ULK4: variants seen among roughly 807,000 people sequenced by gnomAD.
ULK4 encodes inactive serine/threonine-protein kinase ULK4.
A neutral mutation model predicts 160.6 loss-of-function variants in ULK4; 133 were observed. That is an observed-to-expected ratio of 0.83 (90% CI 0.72 to 0.96). The LOEUF (loss-of-function observed/expected upper bound fraction) is 0.96. ULK4 is among the 40% of genes least tolerant of loss of function. The probability of loss-of-function intolerance (pLI) is 0.00; values close to 1 mark genes in which losing one functional copy is unlikely to be tolerated. For synonymous variants in ULK4, 534 were observed against 539.8 expected (o/e 0.99, Z 0.15); for missense variants, 1,580 against 1,499.5 (o/e 1.05, Z -0.89).
intron 34 of ULK4, among the ~76,000 whole-genome samples, chr3:41,421,338 A>G (rs1415535754): frequency 3.9e-5 from 6 of 152,122 alleles, no homozygotes; most frequent in Non-Finnish European, 5.9e-5. Context: ...ACCCTCCCCA[A>G]CACTGTTGAC....
At chr3:41,893,050 C>T (rs9847541) in intron 16 of ULK4, among the ~76,000 whole-genome samples, 8,375 of 152,146 alleles carry the variant, frequency 0.055, 418 homozygotes, top group East Asian at 0.16. Flanking sequence ...TAAACCAAAC[C>T]CCTTGATATT....
At chr3:41,440,707 G>T (rs2083145626) in intron 34 of ULK4, among the ~76,000 whole-genome samples, 1 of 151,988 alleles carries the variant, frequency 6.6e-6, no homozygotes, top group Non-Finnish European at 1.5e-5. Context: ...TTCTGGGAAA[G>T]ATTTTGTAAA....
At chr3:41,261,584 G>T (rs2078944019) in intron 35 of ULK4, among the ~76,000 whole-genome samples, 1 of 152,300 alleles carries the variant, frequency 6.6e-6, no homozygotes, top group South Asian at 2.1e-4. Flanking sequence ...TACATGTTGT[G>T]TTATCTTGTA....
chr3:41,496,460 G>C (rs1433285229), intron 32 of ULK4, among the ~76,000 whole-genome samples: 2 of 152,046 alleles, frequency 1.3e-5, no homozygotes, highest in African/African-American at 4.8e-5. Flanking sequence ...TTTGTCTGGA[G>C]GAATTTTCTA....
chr3:41,862,515 C>T (rs182036525), intron 17 of ULK4, among the ~76,000 whole-genome samples: 112 of 152,192 alleles, frequency 7.4e-4, no homozygotes, highest in African/African-American at 2.7e-3. Flanking sequence ...GTCTTCACTG[C>T]CTGGGCTTAT....
chr3:41,346,417 C>T (rs370666689), intron 35 of ULK4, among the ~76,000 whole-genome samples: 1 of 152,134 alleles, frequency 6.6e-6, no homozygotes, highest in African/African-American at 2.4e-5. Flanking sequence ...AATATCAATG[C>T]TATCCTTTTT....
chr3:41,328,964 G>A (rs142077286), intron 35 of ULK4, among the ~76,000 whole-genome samples: 8 of 149,732 alleles, frequency 5.3e-5, no homozygotes, highest in Admixed American at 2.0e-4. Context: ...ATAGTTCTAC[G>A]AATTTTAACA....
At chr3:41,739,199 C>CA (rs1173657526) in intron 22 of ULK4, among the ~76,000 whole-genome samples, 3 of 151,916 alleles carry the variant, frequency 2.0e-5, no homozygotes, top group Admixed American at 2.0e-4. Context: ...ATATAAGAGA[C>CA]TGAGTTTCAA....
At chr3:41,572,867 G>A (rs762190394) in intron 31 of ULK4, among the ~76,000 whole-genome samples, 30 of 151,694 alleles carry the variant, frequency 2.0e-4, no homozygotes, top group Admixed American at 1.3e-3. Context: ...ATAAAAATAC[G>A]TACTAGGGCC....
rs929916752 is a variant in ULK4, at chr3:41,935,942, T to G, written c.239-2A>C. On this transcript the variant is annotated splice_acceptor_variant, in intron 3 of 36. Transcript: ENST00000301831. LOFTEE classifies it high-confidence loss of function. Reference sequence around the variant, plus strand: ...CAATAACTGTTTTTAAGGAACCACCTGCAAGAGGTTGATTAAAATCACCCA... The same window carrying G: ...CAATAACTGTTTTTAAGGAACCACCGGCAAGAGGTTGATTAAAATCACCCA... The G allele has an allele frequency of 2.5e-5, 40 of 1,612,364 alleles. No individual in the cohort carries two copies. The highest frequency in any genetic ancestry group is 3.2e-5 in the Non-Finnish European group (38 of 1,179,588).
chr3:41,763,816 T>C (rs2039071202), intron 21 of ULK4, among the ~76,000 whole-genome samples: 1 of 152,242 alleles, frequency 6.6e-6, no homozygotes, highest in Non-Finnish European at 1.5e-5. Flanking sequence ...TTACTGTCCA[T>C]CAATATATGA....
At chr3:41,519,923 T>C (rs2085875810) in intron 32 of ULK4, among the ~76,000 whole-genome samples, 1 of 152,160 alleles carries the variant, frequency 6.6e-6, no homozygotes, top group African/African-American at 2.4e-5. Flanking sequence ...GTGGAATAAT[T>C]ACTGGGAAAT....
chr3:41,876,513 C>T (rs1697308080), intron 17 of ULK4, among the ~76,000 whole-genome samples: 1 of 152,164 alleles, frequency 6.6e-6, no homozygotes, highest in South Asian at 2.1e-4. Context: ...GTTTAGATTA[C>T]CCCCTAAAGT....
At chr3:41,935,651 G>A (rs927342448) in intron 4 of ULK4, 150 bp downstream of exon 4, 30 of 941,154 alleles carry the variant, frequency 3.2e-5, no homozygotes, top group South Asian at 2.0e-4. Flanking sequence ...ATGAGCCACC[G>A]TGCCCTGCCT....
At chr3:41,372,557 G>C (rs1056485103) in intron 35 of ULK4, among the ~76,000 whole-genome samples, 4 of 152,086 alleles carry the variant, frequency 2.6e-5, no homozygotes, top group Non-Finnish European at 5.9e-5. Flanking sequence ...ATAAGTAAAG[G>C]AGAAATAAAA....
intron 25 of ULK4, among the ~76,000 whole-genome samples, chr3:41,705,918 C>T (rs1442572617): frequency 2.0e-5 from 3 of 152,050 alleles, no homozygotes; most frequent in Non-Finnish European, 4.4e-5. Flanking sequence ...GAAGAGAGTT[C>T]GAATGGCACC....
At chr3:41,641,565 T>C (rs1265970723) in intron 30 of ULK4, among the ~76,000 whole-genome samples, 1 of 152,068 alleles carries the variant, frequency 6.6e-6, no homozygotes, top group South Asian at 2.1e-4. Flanking sequence ...GGCAGAATGA[T>C]AATGTGTCTG....
intron 29 of ULK4, among the ~76,000 whole-genome samples, chr3:41,666,215 G>C (rs917847807): frequency 8.5e-5 from 13 of 152,190 alleles, no homozygotes; most frequent in Admixed American, 7.9e-4. Flanking sequence ...CCAGTCTCTA[G>C]CTCCTCCAGA....
chr3:41,330,722 G>A (rs1329715896), intron 35 of ULK4, among the ~76,000 whole-genome samples: 1 of 152,228 alleles, frequency 6.6e-6, no homozygotes, highest in East Asian at 1.9e-4. Context: ...AGGCCTCATA[G>A]TAGTTCCAGG....
Sources: allele counts gnomAD v4.1 joint callset (sites outside exome capture counted in the v4.1 genomes callset), GRCh38; gene constraint gnomAD v4.1.1; transcripts MANE v1.5; gene names NCBI Gene and HGNC (gene_info 2026-07-23, HGNC 2026-07-21).